ZHX2: variants seen among roughly 807,000 people sequenced by gnomAD.
The protein encoded by ZHX2 is zinc fingers and homeoboxes 2.
Under a neutral mutation model 21.9 loss-of-function variants are expected in ZHX2, and 6 were observed. That is an observed-to-expected ratio of 0.27 (90% CI 0.15 to 0.54). ZHX2 has a LOEUF of 0.54. Among genes scored for constraint, ZHX2 ranks in the 20% least tolerant of loss-of-function variants. The pLI, the probability that ZHX2 is intolerant of heterozygous loss-of-function variation, is 0.95. For missense variants in ZHX2, 908 were observed against 1,090.7 expected (o/e 0.83, Z 2.36); for synonymous variants, 434 against 437.1 (o/e 0.99, Z 0.09).
intron 2 of ZHX2, among the ~76,000 whole-genome samples, chr8:122,867,513 A>AAATACC (rs1819328299): frequency 6.6e-6 from 1 of 152,238 alleles, no homozygotes; most frequent in Non-Finnish European, 1.5e-5. Flanking sequence ...GTGTTTTTTG[A>AAATACC]ATAGAAAATC....
intron 2 of ZHX2, among the ~76,000 whole-genome samples, chr8:122,924,364 C>G (rs1422320929): frequency 1.3e-5 from 2 of 152,214 alleles, no homozygotes; most frequent in Non-Finnish European, 2.9e-5. Flanking sequence ...TTCCCCTTTT[C>G]ATAAAGACAC....
Position 122,952,642 on chromosome 8 carries a change from C to T in ZHX2, c.1132C>T (p.Leu378=), listed in dbSNP as rs770318276. 1.9e-6 allele frequency: 3 copies of T among 1,614,168 alleles called. No individual in the cohort carries two copies. Among genetic ancestry groups the T allele is most frequent in the South Asian group, 2.2e-5 (2 of 91,082 alleles). Residue 378 remains leucine, a synonymous_variant, in exon 3 of 4, where the codon CTG becomes TTG. Coordinates refer to ENST00000314393, the MANE Select transcript of ZHX2 (RefSeq NM_014943.5). This position sits in a 1 kb window ranked among gnomAD's most constrained non-coding sequence, Gnocchi z 6.9. ...CQILGQTSLV[L]TQVTSGSTTV... ...GATCCTCGGCCAGACTAGCCTGGTGCTGACTCAGGTGACCAGCGGGTCAAC... is the reference window on the plus strand; with the variant it reads ...GATCCTCGGCCAGACTAGCCTGGTGTTGACTCAGGTGACCAGCGGGTCAAC...
At chr8:122,905,534 A>T (rs983237991) in intron 2 of ZHX2, among the ~76,000 whole-genome samples, 12 of 152,354 alleles carry the variant, frequency 7.9e-5, no homozygotes, top group African/African-American at 2.9e-4. Context: ...AAATTCTCTA[A>T]ACAGAAAGGA....
intron 2 of ZHX2, among the ~76,000 whole-genome samples, chr8:122,938,120 A>C (rs1812752061): frequency 6.7e-6 from 1 of 149,742 alleles, no homozygotes; most frequent in Non-Finnish European, 1.5e-5. Context: ...TTTTTAGTAG[A>C]GACAGGGTTT....
At chr8:122,854,780 C>T (rs1818989735) in intron 1 of ZHX2, among the ~76,000 whole-genome samples, 1 of 152,160 alleles carries the variant, frequency 6.6e-6, no homozygotes, top group African/African-American at 2.4e-5. Flanking sequence ...CCTTCCAAGG[C>T]ACCCCATAAG....
At chr8:122,942,701 T>A (rs1284111544) in intron 2 of ZHX2, among the ~76,000 whole-genome samples, 3 of 151,494 alleles carry the variant, frequency 2.0e-5, no homozygotes, top group African/African-American at 7.4e-5. Context: ...TGTACCATCC[T>A]GACAGCCAGA....
chr8:122,848,620 G>T (rs575731103), intron 1 of ZHX2, among the ~76,000 whole-genome samples: 1 of 152,280 alleles, frequency 6.6e-6, no homozygotes, highest in East Asian at 1.9e-4. Context: ...TTCAAATAAT[G>T]AAGATTTGAC....
intron 1 of ZHX2, among the ~76,000 whole-genome samples, chr8:122,792,516 ACT>A (rs1230958474): frequency 3.9e-5 from 6 of 152,004 alleles, no homozygotes; most frequent in Admixed American, 3.9e-4. Context: ...TTGTATAGTA[ACT>A]CTATGTTTAA....
chr8:122,890,389 T>C (rs1233168199), intron 2 of ZHX2, among the ~76,000 whole-genome samples: 1 of 152,190 alleles, frequency 6.6e-6, no homozygotes, highest in Non-Finnish European at 1.5e-5. Context: ...AGTCAAGTAG[T>C]GTGTTATCTC....
chr8:122,888,629 T>C (rs1819903722), intron 2 of ZHX2, among the ~76,000 whole-genome samples: 1 of 152,114 alleles, frequency 6.6e-6, no homozygotes, highest in Non-Finnish European at 1.5e-5. Flanking sequence ...ATTACAGGTA[T>C]ACGCTGCCAC....
At chr8:122,882,230 G>T (rs1819729722) in intron 2 of ZHX2, among the ~76,000 whole-genome samples, 1 of 151,800 alleles carries the variant, frequency 6.6e-6, no homozygotes, top group East Asian at 1.9e-4. Context: ...GGCAAGCTTT[G>T]CACTGCAGTT....
intron 2 of ZHX2, among the ~76,000 whole-genome samples, chr8:122,872,593 C>T (rs1411785352): frequency 1.3e-5 from 2 of 152,152 alleles, no homozygotes; most frequent in African/African-American, 2.4e-5. Flanking sequence ...CCCCCCGTTC[C>T]GTGATATTTC....
intron 1 of ZHX2, among the ~76,000 whole-genome samples, chr8:122,836,415 G>A (rs909757484): frequency 1.3e-5 from 2 of 152,218 alleles, no homozygotes; most frequent in African/African-American, 4.8e-5. Flanking sequence ...TAGGTCCACA[G>A]GGGATGCAGA....
chr8:122,830,546 A>T (rs1260167418), intron 1 of ZHX2, among the ~76,000 whole-genome samples: 10 of 152,010 alleles, frequency 6.6e-5, no homozygotes, highest in Admixed American at 6.5e-4. Context: ...AGAAAACCTT[A>T]ATTTTTAGGT....
chr8:122,945,094 G>T (rs909958461), intron 2 of ZHX2, among the ~76,000 whole-genome samples: 12 of 152,120 alleles, frequency 7.9e-5, no homozygotes. Flanking sequence ...CTTCCAGCCC[G>T]CAAAACTGTG....
At chr8:122,814,392 TG>T (rs2130616110) in intron 1 of ZHX2, among the ~76,000 whole-genome samples, 1 of 152,352 alleles carries the variant, frequency 6.6e-6, no homozygotes, top group African/African-American at 2.4e-5. Flanking sequence ...AAGCACATAT[TG>T]GTCCTCACCA....
intron 2 of ZHX2, among the ~76,000 whole-genome samples, chr8:122,904,442 C>G (rs1820300213): frequency 1.3e-5 from 2 of 152,092 alleles, no homozygotes; most frequent in South Asian, 4.2e-4. Flanking sequence ...CTTTCATGAC[C>G]CCACGAAATG....
At chr8:122,803,328 T>C (rs1817756609) in intron 1 of ZHX2, among the ~76,000 whole-genome samples, 1 of 152,298 alleles carries the variant, frequency 6.6e-6, no homozygotes, top group Admixed American at 6.5e-5. Context: ...CACTCCCCGT[T>C]GCTCCTCCTG....
intron 2 of ZHX2, among the ~76,000 whole-genome samples, chr8:122,889,848 TG>T (rs933273623): frequency 1.3e-5 from 2 of 152,076 alleles, no homozygotes; most frequent in Non-Finnish European, 2.9e-5. Context: ...GGTTGGGGGA[TG>T]GGGGGATCCT....
Sources: allele counts gnomAD v4.1 joint callset (sites outside exome capture counted in the v4.1 genomes callset), GRCh38; gene constraint gnomAD v4.1.1; non-coding constraint Gnocchi (gnomAD v3.1); transcripts MANE v1.5; gene names NCBI Gene and HGNC (gene_info 2026-07-23, HGNC 2026-07-21).